CCSER1: variants seen among roughly 807,000 people sequenced by gnomAD.
The protein encoded by CCSER1 is serine-rich coiled-coil domain-containing protein 1.
Under a neutral mutation model 82.0 loss-of-function variants are expected in CCSER1, and 41 were observed. That is an observed-to-expected ratio of 0.50 (90% CI 0.39 to 0.65). CCSER1 has a LOEUF of 0.65. Ranked by LOEUF, CCSER1 falls within the 30% of genes least tolerant of loss-of-function variation. The probability of loss-of-function intolerance (pLI) is 0.00; values close to 1 mark genes in which losing one functional copy is unlikely to be tolerated. For missense variants in CCSER1, 1,119 were observed against 1,064.2 expected (o/e 1.05, Z -0.72); for synonymous variants, 414 against 383.9 (o/e 1.08, Z -0.92).
intron 1 of CCSER1, among the ~76,000 whole-genome samples, chr4:90,168,126 T>C (rs1414331317): frequency 2.0e-5 from 3 of 152,180 alleles, no homozygotes; most frequent in Admixed American, 2.0e-4. Context: ...CCATATCCTT[T>C]CCAGCACCTG....
At chr4:90,795,307 A>AC (rs1755841901) in intron 7 of CCSER1, among the ~76,000 whole-genome samples, 1 of 147,644 alleles carries the variant, frequency 6.8e-6, no homozygotes, top group Non-Finnish European at 1.5e-5. Context: ...AAAAAAAAGG[A>AC]AACAAAGAAA....
Position 90,934,703 on chromosome 4 carries a change from G to A in CCSER1, c.2172+11256G>A, listed in dbSNP as rs11941990. On this transcript the variant is annotated intron_variant, in intron 9 of 10. Coordinates refer to ENST00000509176, the MANE Select transcript of CCSER1 (RefSeq NM_001145065.2). ...TCCCAGCACTTTGGGAGGCCAAGGCGGGTGGATCAGGTGAGGTTGGGAGTT... is the reference window on the plus strand; with the variant it reads ...TCCCAGCACTTTGGGAGGCCAAGGCAGGTGGATCAGGTGAGGTTGGGAGTT... Among the ~76,000 whole-genome samples the A allele has an allele frequency of 3.4e-3, 521 of 152,176 alleles. 4 individuals are homozygous for A. The highest frequency in any genetic ancestry group is 0.012 in the African/African-American group (501 of 41,514).
intron 1 of CCSER1, among the ~76,000 whole-genome samples, chr4:90,297,445 A>T (rs973701614): frequency 5.3e-5 from 8 of 151,892 alleles, no homozygotes; most frequent in Admixed American, 1.3e-4. Context: ...GCAAACAGGG[A>T]CAGTTTGACT....
intron 9 of CCSER1, among the ~76,000 whole-genome samples, chr4:90,941,801 A>G (rs1045568073): frequency 1.3e-5 from 2 of 152,192 alleles, no homozygotes; most frequent in Non-Finnish European, 2.9e-5. Context: ...TTCATTTGCT[A>G]TATTTACTTG....
chr4:90,761,497 T>C (rs1750403523), intron 7 of CCSER1, among the ~76,000 whole-genome samples: 1 of 152,170 alleles, frequency 6.6e-6, no homozygotes, highest in African/African-American at 2.4e-5. Flanking sequence ...CCACTTGTCC[T>C]AGTCATTTGG....
chr4:91,121,267 A>G (rs1727066174), intron 10 of CCSER1, among the ~76,000 whole-genome samples: 1 of 151,732 alleles, frequency 6.6e-6, no homozygotes, highest in Non-Finnish European at 1.5e-5. Flanking sequence ...TAGTTTCATA[A>G]TGGCAAAATA....
At chr4:90,781,908 G>T in intron 7 of CCSER1, 2 of 930,722 alleles carry the variant, frequency 2.1e-6, no homozygotes, top group Non-Finnish European at 2.6e-6. Flanking sequence ...TACAAAAAAA[G>T]ATAAAATCGT....
In CCSER1 at chr4:90,186,552, GTACTTATCAT is replaced by G. The variant is rs1257999707; in HGVS notation, c.-42+58723_-42+58732del. On this transcript the variant is annotated intron_variant, in intron 1 of 10. Coordinates refer to ENST00000509176, the MANE Select transcript of CCSER1 (RefSeq NM_001145065.2). ...ACTGCTTCTCAGTACAGAGAACAAA[GTACTTATCAT>G]TTACCAATATGATGATATTGTATAA... Among the ~76,000 whole-genome samples the G allele has an allele frequency of 4.6e-5, 7 of 152,052 alleles. No individual in the cohort carries two copies. In the East Asian group the frequency reaches 1.4e-3, roughly 29 times the overall value.
intron 1 of CCSER1, among the ~76,000 whole-genome samples, chr4:90,297,277 T>G (rs944949865): frequency 2.0e-5 from 3 of 148,986 alleles, no homozygotes; most frequent in Admixed American, 2.0e-4. Context: ...AGTTCACTCA[T>G]GATTTGGCTC....
chr4:90,354,165 A>G (rs1744004693), intron 3 of CCSER1, among the ~76,000 whole-genome samples: 1 of 152,224 alleles, frequency 6.6e-6, no homozygotes, highest in African/African-American at 2.4e-5. Context: ...GAAACTTGAG[A>G]ACATTATACT....
intron 5 of CCSER1, among the ~76,000 whole-genome samples, chr4:90,577,835 G>A (rs1369360956): frequency 6.6e-6 from 1 of 151,978 alleles, no homozygotes; most frequent in Non-Finnish European, 1.5e-5. Context: ...TTTATTTCAT[G>A]CCGGTGCAGC....
chr4:90,282,005 A>C (rs1728948478), intron 1 of CCSER1, among the ~76,000 whole-genome samples: 1 of 152,070 alleles, frequency 6.6e-6, no homozygotes, highest in Non-Finnish European at 1.5e-5. Context: ...TCAAAAAGGC[A>C]CTAAGGATGA....
intron 7 of CCSER1, among the ~76,000 whole-genome samples, chr4:90,796,327 G>A (rs1312388226): frequency 2.0e-5 from 3 of 149,964 alleles, no homozygotes; most frequent in African/African-American, 4.9e-5. Flanking sequence ...TGTGGGGTCA[G>A]TGGTAATACC....
At chr4:91,451,063 C>T (rs758598842) in intron 10 of CCSER1, among the ~76,000 whole-genome samples, 9 of 136,536 alleles carry the variant, frequency 6.6e-5, no homozygotes, top group South Asian at 2.7e-4. Flanking sequence ...ATTCAGTGTC[C>T]GGTGAATGTG....
chr4:91,378,280 T>A (rs1462144579), intron 10 of CCSER1, among the ~76,000 whole-genome samples: 2 of 152,250 alleles, frequency 1.3e-5, no homozygotes, highest in Admixed American at 1.3e-4. Flanking sequence ...TTTCCAATTC[T>A]GTGAAGAAAG....
chr4:90,452,901 G>A (rs1761666656), intron 4 of CCSER1, among the ~76,000 whole-genome samples: 1 of 152,130 alleles, frequency 6.6e-6, no homozygotes, highest in African/African-American at 2.4e-5. Flanking sequence ...CTAGACCTAG[G>A]TACTTCACCA....
intron 1 of CCSER1, among the ~76,000 whole-genome samples, chr4:90,221,560 T>C (rs1033832643): frequency 1.3e-5 from 2 of 152,178 alleles, no homozygotes; most frequent in Admixed American, 6.5e-5. Flanking sequence ...TTTTTGATAT[T>C]GATACCTGGA....
At chr4:90,649,191 G>A (rs556430640) in intron 6 of CCSER1, among the ~76,000 whole-genome samples, 78 of 152,242 alleles carry the variant, frequency 5.1e-4, no homozygotes, top group Non-Finnish European at 9.4e-4. Context: ...TTAGAATAAA[G>A]TTTATTGGGA....
chr4:90,218,488 GTGC>G, intron 1 of CCSER1, among the ~76,000 whole-genome samples: 1 of 152,236 alleles, frequency 6.6e-6, no homozygotes, highest in Middle Eastern at 3.4e-3. Context: ...AGAGAGATTT[GTGC>G]TGCTAATTTA....
Sources: allele counts gnomAD v4.1 joint callset (sites outside exome capture counted in the v4.1 genomes callset), GRCh38; gene constraint gnomAD v4.1.1; transcripts MANE v1.5; gene names NCBI Gene and HGNC (gene_info 2026-07-23, HGNC 2026-07-21).